PEPD: variants seen among roughly 807,000 people sequenced by gnomAD.
PEPD encodes xaa-Pro dipeptidase.
In PEPD, 53 loss-of-function variants were observed where a neutral mutation model predicts 60.7. The observed-to-expected ratio is 0.87, with a 90% confidence interval of 0.70 to 1.10. PEPD has a LOEUF of 1.10. Among genes scored for constraint, PEPD ranks in the 50% least tolerant of loss-of-function variants. The pLI is 0.00. For synonymous variants in PEPD, 267 were observed against 284.1 expected, an observed-to-expected ratio of 0.94 and a Z score of 0.60; for missense variants, 711 against 711.9, an observed-to-expected ratio of 1.00 and a Z score of 0.01.
rs55646747 is a variant in PEPD, at chr19:33,519,755, C to G, written c.17+1989G>C. On this transcript the variant is annotated intron_variant, in intron 1 of 14. Coordinates refer to ENST00000244137, the MANE Select transcript of PEPD (RefSeq NM_000285.4). ...CACCCTGTGTGGTGGCCCAGAGAAT[C>G]GGTTCTGCTAGAAAAGCTCTCATTC... Among the ~76,000 whole-genome samples the G allele has an allele frequency of 5.1e-3, 780 of 152,242 alleles. 5 individuals carry two copies. Among genetic ancestry groups the G allele is most frequent in the African/African-American group, 0.018 (739 of 41,532 alleles).
chr19:33,477,427 A>G (rs1014252365), intron 7 of PEPD: 2 of 168,968 alleles, frequency 1.2e-5, no homozygotes, highest in African/African-American at 4.8e-5. Context: ...CAGTACGTGC[A>G]GCCATCCATC....
At chr19:33,422,591 C>T (rs1045246411) in intron 9 of PEPD, among the ~76,000 whole-genome samples, 6 of 150,570 alleles carry the variant, frequency 4.0e-5, no homozygotes, top group African/African-American at 1.5e-4. Context: ...TACCTAAGTG[C>T]AATCCAACTA....
intron 9 of PEPD, among the ~76,000 whole-genome samples, chr19:33,417,113 G>A (rs558565611): frequency 3.3e-5 from 5 of 152,356 alleles, no homozygotes; most frequent in South Asian, 2.1e-4. Flanking sequence ...CCCAGACAGC[G>A]GTAGAAGGGC....
At chr19:33,473,545 C>T (rs1970165250) in intron 7 of PEPD, among the ~76,000 whole-genome samples, 2 of 152,152 alleles carry the variant, frequency 1.3e-5, no homozygotes, top group African/African-American at 4.8e-5. Context: ...AACACAGTCT[C>T]GCTTAAAACC....
intron 11 of PEPD, among the ~76,000 whole-genome samples, chr19:33,404,023 G>A (rs1011398148): frequency 3.9e-5 from 6 of 152,222 alleles, no homozygotes; most frequent in Admixed American, 2.0e-4. Flanking sequence ...GGGAAACTGA[G>A]GCTCAGATCA....
rs982298252 is a variant in PEPD, at chr19:33,463,463, C to G, written c.625-422G>C. Among the ~76,000 whole-genome samples, 7 of 152,216 alleles carry G rather than the reference C, an allele frequency of 4.6e-5. No individual in the cohort carries two copies. The South Asian group carries it at 1.0e-3, about 23-fold the overall frequency. Reference sequence around the variant, plus strand: ...ACAGAGTACGCTGCCCATCAATTACCCTTGTCTGTTTCCTAACACAAAACT... The same window carrying G: ...ACAGAGTACGCTGCCCATCAATTACGCTTGTCTGTTTCCTAACACAAAACT... On this transcript the variant is annotated intron_variant, in intron 8 of 14. Coordinates refer to ENST00000244137, the MANE Select transcript of PEPD (RefSeq NM_000285.4).
rs71181361 is a variant in PEPD, at chr19:33,502,952, C to CGGGG, written c.330-1955_330-1952dup. Among the ~76,000 whole-genome samples the CGGGG allele has an allele frequency of 4.3e-3, 334 of 77,442 alleles. 1 individual carries two copies. The highest frequency in any genetic ancestry group is 0.018 in the Middle Eastern group (3 of 170). The allele number at this position is 77,442 out of a possible 152,430, so 50.8% of individuals were successfully genotyped here. A position where few individuals can be genotyped will look rare whatever the true frequency, so the allele number is the denominator to read the frequency against. ...AGACCCTCTACGGATAACTGGGGGG[C>CGGGG]GGGGGGGGGTGTTGTGGGTGCCAAG... On this transcript the variant is annotated intron_variant, in intron 3 of 14. Coordinates refer to ENST00000244137, the MANE Select transcript of PEPD (RefSeq NM_000285.4).
chr19:33,498,443 C>T (rs1447332560), intron 4 of PEPD, among the ~76,000 whole-genome samples: 2 of 152,190 alleles, frequency 1.3e-5, no homozygotes, highest in African/African-American at 4.8e-5. Flanking sequence ...CCTTCCTCAC[C>T]CCCAGAAATC....
chr19:33,429,643 T>C (rs562768457), intron 9 of PEPD, among the ~76,000 whole-genome samples: 13 of 152,294 alleles, frequency 8.5e-5, no homozygotes, highest in African/African-American at 2.6e-4. Context: ...ATTGAGGTAG[T>C]AGAAAAAGCA....
chr19:33,451,954 A>G (rs1443654438), intron 9 of PEPD, among the ~76,000 whole-genome samples: 1 of 152,250 alleles, frequency 6.6e-6, no homozygotes, highest in East Asian at 1.9e-4. Flanking sequence ...ATCTTAGAGC[A>G]AATATACAAA....
At chr19:33,491,327 G>A (rs1265267516) in intron 5 of PEPD, among the ~76,000 whole-genome samples, 4 of 152,016 alleles carry the variant, frequency 2.6e-5, no homozygotes, top group Admixed American at 6.6e-5. Flanking sequence ...GTGCATGCCT[G>A]TAATCCCAGC....
chr19:33,401,794 G>A lies in PEPD; in HGVS notation c.894C>T (p.Phe298=), dbSNP rs1311282345. 5.6e-6 allele frequency: 9 copies of A among 1,612,804 alleles called. No individual in the cohort carries two copies. Among genetic ancestry groups the A allele is most frequent in the Non-Finnish European group, 7.6e-6 (9 of 1,179,676 alleles). The change falls in exon 12 of 15, where the codon TTC becomes TTT. Residue 298 remains phenylalanine (F), a synonymous_variant. Coordinates refer to ENST00000244137, the MANE Select transcript of PEPD (RefSeq NM_000285.4). ...CATAGACGGCCTTCTGGTCTGCAGTGAACTTGCCGTTGGCGGGAAAGGAGC... is the reference window on the plus strand; with the variant it reads ...CATAGACGGCCTTCTGGTCTGCAGTAAACTTGCCGTTGGCGGGAAAGGAGC... ...ITCSFPANGK[F]TADQKAVYEA... is the part of the protein sequence containing the mutation.
chr19:33,426,280 T>TG (rs1232366220), intron 9 of PEPD, among the ~76,000 whole-genome samples: 1 of 152,242 alleles, frequency 6.6e-6, no homozygotes, highest in Non-Finnish European at 1.5e-5. Context: ...TGCTTTGCTT[T>TG]GGATTCCCTC....
At chr19:33,476,332 T>TC (rs1339549401) in intron 7 of PEPD, among the ~76,000 whole-genome samples, 1 of 152,060 alleles carries the variant, frequency 6.6e-6, no homozygotes, top group Non-Finnish European at 1.5e-5. Context: ...CAGCCCTCTC[T>TC]CCCACTGGCA....
At chr19:33,408,950 T>C (rs1178081247) in intron 11 of PEPD, among the ~76,000 whole-genome samples, 1 of 152,226 alleles carries the variant, frequency 6.6e-6, no homozygotes, top group South Asian at 2.1e-4. Context: ...ATAAATTGAC[T>C]ACAATAAACT....
intron 13 of PEPD, among the ~76,000 whole-genome samples, chr19:33,389,332 G>C (rs1968158172): frequency 6.6e-6 from 1 of 152,210 alleles, no homozygotes; most frequent in Admixed American, 6.5e-5. Context: ...GGAGGGCAGG[G>C]ATGCCCCGTG....
chr19:33,452,816 A>G (rs554491786), intron 9 of PEPD, among the ~76,000 whole-genome samples: 1 of 152,376 alleles, frequency 6.6e-6, no homozygotes, highest in Non-Finnish European at 1.5e-5. Flanking sequence ...CAGAGAAACA[A>G]CAGGGTCTGA....
chr19:33,401,022 A>T (rs1010370999), intron 12 of PEPD, among the ~76,000 whole-genome samples: 4 of 152,180 alleles, frequency 2.6e-5, no homozygotes, highest in African/African-American at 4.8e-5. Flanking sequence ...CCTGACAGAC[A>T]TCAACGGCGC....
intron 9 of PEPD, among the ~76,000 whole-genome samples, chr19:33,430,948 T>C (rs1032772512): frequency 2.0e-5 from 3 of 152,158 alleles, no homozygotes; most frequent in African/African-American, 4.8e-5. Context: ...TTTGATACCA[T>C]TGTTGTGGAC....
Sources: gnomAD v4.1 joint callset for allele counts (sites outside exome capture counted in the v4.1 genomes callset) on GRCh38, gnomAD v4.1.1 for gene constraint, MANE v1.5 for transcripts, NCBI Gene and HGNC (gene_info 2026-07-23, HGNC 2026-07-21) for gene names.